The following WDR47 variants were observed in gnomAD, a reference collection of about 807,000 sequenced individuals.
The protein encoded by WDR47 is WD repeat domain 47, also known as WD repeat-containing protein 47.
WDR47 carries 32 observed loss-of-function variants against 97.2 expected under a neutral mutation model. The ratio of observed to expected loss-of-function variants is 0.33; its 90% confidence interval spans 0.25 to 0.44. WDR47 has a LOEUF of 0.44. WDR47 is among the 20% of genes least tolerant of loss of function. The pLI is 1.00. For synonymous variants in WDR47, 375 were observed against 373.5 expected (o/e 1.00, Z -0.05); for missense variants, 782 against 1,102.3 (o/e 0.71, Z 4.11).
chr1:109,033,910 C>A (rs1290051027), intron 1 of WDR47, among the ~76,000 whole-genome samples: 4 of 152,062 alleles, frequency 2.6e-5, no homozygotes. Flanking sequence ...CAGAGTGAGA[C>A]TCTGTGTCAA....
At chr1:109,007,595 C>A (rs1660719875) in intron 5 of WDR47, among the ~76,000 whole-genome samples, 1 of 152,198 alleles carries the variant, frequency 6.6e-6, no homozygotes, top group African/African-American at 2.4e-5. Flanking sequence ...ACACACTGTC[C>A]TTACCAAAGC....
intron 13 of WDR47, among the ~76,000 whole-genome samples, chr1:108,977,453 C>G (rs1298960733): frequency 6.6e-6 from 1 of 152,230 alleles, no homozygotes; most frequent in Non-Finnish European, 1.5e-5. Flanking sequence ...CACACCCGGC[C>G]AGGTGCAACT....
intron 1 of WDR47, chr1:109,030,266 G>A (rs1662526009): frequency 2.0e-6 from 3 of 1,525,296 alleles, no homozygotes; most frequent in Admixed American, 1.8e-5. Flanking sequence ...CCAGCCTACA[G>A]GAGGAAAAGC....
chr1:109,029,911 T>C (rs945395643), intron 1 of WDR47, among the ~76,000 whole-genome samples: 2 of 150,944 alleles, frequency 1.3e-5, no homozygotes, highest in Non-Finnish European at 2.9e-5. Context: ...GAAAATATTC[T>C]AGTAATAAAA....
intron 1 of WDR47, among the ~76,000 whole-genome samples, chr1:109,028,277 T>C (rs984584246): frequency 6.6e-6 from 1 of 150,776 alleles, no homozygotes; most frequent in African/African-American, 2.4e-5. Context: ...CTTGGCCTTC[T>C]GGGCTCAAGC....
intron 9 of WDR47, 37 bp downstream of exon 9, chr1:108,991,217 T>C (rs760350781): frequency 3.2e-6 from 5 of 1,576,048 alleles, no homozygotes; most frequent in South Asian, 2.3e-5. Context: ...TACAGGTGCA[T>C]ATGAAAACAA....
At chr1:108,997,348 T>C (rs1416323773) in intron 7 of WDR47, among the ~76,000 whole-genome samples, 1 of 136,994 alleles carries the variant, frequency 7.3e-6, no homozygotes, top group Admixed American at 7.4e-5. Context: ...AAGGCTGAGG[T>C]GGAAGGATTG....
At chr1:109,021,115 G>A (rs983391897) in intron 2 of WDR47, among the ~76,000 whole-genome samples, 49 of 152,074 alleles carry the variant, frequency 3.2e-4, no homozygotes, top group African/African-American at 1.1e-3. Flanking sequence ...GGGATTTTCC[G>A]TTTCTATCCA....
At chr1:109,028,180 T>C (rs1662342667) in intron 1 of WDR47, among the ~76,000 whole-genome samples, 1 of 151,946 alleles carries the variant, frequency 6.6e-6, no homozygotes, top group Admixed American at 6.6e-5. Context: ...CAGATGACTA[T>C]GGTTTTGTTT....
At chr1:109,041,264 A>C (rs2102079180) in intron 1 of WDR47, among the ~76,000 whole-genome samples, 1 of 152,196 alleles carries the variant, frequency 6.6e-6, no homozygotes, top group African/African-American at 2.4e-5. Context: ...CCTCCAGCGC[A>C]ATCCCAGTTC....
chr1:109,010,453 G>C (rs1013904209), intron 5 of WDR47, among the ~76,000 whole-genome samples: 1 of 151,972 alleles, frequency 6.6e-6, no homozygotes, highest in African/African-American at 2.4e-5. Context: ...AGCTACTCAG[G>C]GGGCTGATTT....
intron 11 of WDR47, 87 bp downstream of exon 11, chr1:108,983,195 C>T: frequency 7.8e-7 from 1 of 1,274,540 alleles, no homozygotes; most frequent in Non-Finnish European, 1.0e-6. Flanking sequence ...TCTTGGATTT[C>T]ATTAAAGACA....
In WDR47 at chr1:108,986,597, A is replaced by G. The variant is rs753977155; in HGVS notation, c.1851T>C (p.Ala617=). ...QAVRAVAFHP[A]GGLYAVGSNS... Reference sequence around the variant, plus strand: ...TTGAACCAACAGCATATAAACCTCCAGCTGGATGAAAAGCCACTGCTCTAA... The same window carrying G: ...TTGAACCAACAGCATATAAACCTCCGGCTGGATGAAAAGCCACTGCTCTAA... The change falls in exon 10 of 15, where the codon GCT becomes GCC. Residue 617 remains alanine (A), a synonymous_variant. Coordinates refer to ENST00000369962, the MANE Select transcript of WDR47 (RefSeq NM_001142551.2). 7 of 1,613,852 alleles carry G rather than the reference A, an allele frequency of 4.3e-6. No individual in the cohort carries two copies. Among genetic ancestry groups the G allele is most frequent in the Non-Finnish European group, 5.9e-6 (7 of 1,179,834 alleles).
chr1:109,016,129 A>G (rs894258510), intron 3 of WDR47, among the ~76,000 whole-genome samples: 35 of 152,156 alleles, frequency 2.3e-4, no homozygotes, highest in African/African-American at 7.9e-4. Context: ...CTGACTGAAC[A>G]AAGTGGCTCA....
At chr1:108,972,437 C>A (rs1334334544) in intron 14 of WDR47, among the ~76,000 whole-genome samples, 1 of 152,044 alleles carries the variant, frequency 6.6e-6, no homozygotes, top group East Asian at 1.9e-4. Flanking sequence ...AGCTCCTATC[C>A]CTTCCAGTTA....
chr1:109,030,758 A>T (rs376591847), intron 1 of WDR47, among the ~76,000 whole-genome samples: 1 of 12,908 alleles, frequency 7.7e-5, no homozygotes, highest in Non-Finnish European at 1.2e-4. Context: ...CTTTTCCTTT[A>T]AAAAAAAAAA....
chr1:108,991,075 C>T (rs1477068456), intron 9 of WDR47, among the ~76,000 whole-genome samples, 179 bp downstream of exon 9: 2 of 151,586 alleles, frequency 1.3e-5, no homozygotes, highest in Non-Finnish European at 2.9e-5. Context: ...TCCACAGGTG[C>T]GATTCTAGTA....
chr1:108,999,607 G>A (rs761832338), intron 7 of WDR47, among the ~76,000 whole-genome samples: 8 of 151,406 alleles, frequency 5.3e-5, no homozygotes, highest in African/African-American at 2.4e-5. Context: ...GCAGAAGGTC[G>A]AGGCTGCAGT....
intron 1 of WDR47, chr1:109,041,472 A>G (rs1290996697): frequency 6.6e-6 from 1 of 152,246 alleles, no homozygotes; most frequent in African/African-American, 2.4e-5. Flanking sequence ...GGGCTCGACC[A>G]AGGGGCGAGG....
Sources: allele counts gnomAD v4.1 joint callset (sites outside exome capture counted in the v4.1 genomes callset), GRCh38; gene constraint gnomAD v4.1.1; transcripts MANE v1.5; gene names NCBI Gene and HGNC (gene_info 2026-07-23, HGNC 2026-07-21).